The following ABCA12 variants were observed in gnomAD, a reference collection of about 807,000 sequenced individuals.
The protein encoded by ABCA12 is ATP binding cassette subfamily A member 12, also known as glucosylceramide transporter ABCA12.
A neutral mutation model predicts 293.5 loss-of-function variants in ABCA12; 156 were observed. That is an observed-to-expected ratio of 0.53 (90% CI 0.47 to 0.61). The LOEUF is 0.61. Among genes scored for constraint, ABCA12 ranks in the 20% least tolerant of loss-of-function variants. The pLI, the probability that ABCA12 is intolerant of heterozygous loss-of-function variation, is 0.00. For missense variants in ABCA12, 2,797 were observed against 3,090.2 expected (o/e 0.91, Z 2.25); for synonymous variants, 1,063 against 1,108.0 (o/e 0.96, Z 0.81).
At chr2:215,049,568 A>G in intron 6 of ABCA12, 58 bp downstream of exon 6, 2 of 1,537,758 alleles carry the variant, frequency 1.3e-6, no homozygotes, top group East Asian at 4.5e-5. Flanking sequence ...TACACGGGCT[A>G]TAGATTTACC....
In ABCA12 at chr2:215,017,789, C is replaced by T. The variant is rs1700538857; in HGVS notation, c.1782+219G>A. The T allele has an allele frequency of 1.2e-5, 7 of 577,238 alleles. No homozygotes were observed. In the East Asian group the frequency reaches 2.3e-4, roughly 19 times the overall value. 35.8% of individuals were successfully genotyped at this position (577,238 alleles called of 1,614,324 possible). On this transcript the variant is annotated intron_variant, in intron 14 of 52. Coordinates refer to ENST00000272895, the MANE Select transcript of ABCA12 (RefSeq NM_173076.3). ...AGAACAAATGGGGCATGGGAAAGGA[C>T]AAGGAAAAATAAAGAGAAAAGGGAC...
At chr2:215,047,642 C>T (rs1043301231) in intron 6 of ABCA12, among the ~76,000 whole-genome samples, 3 of 152,054 alleles carry the variant, frequency 2.0e-5, no homozygotes, top group Non-Finnish European at 4.4e-5. Flanking sequence ...AAATATACAC[C>T]TTGCTTACAC....
At chr2:215,090,779 A>G (rs1702126367) in intron 2 of ABCA12, among the ~76,000 whole-genome samples, 1 of 151,204 alleles carries the variant, frequency 6.6e-6, no homozygotes, top group Non-Finnish European at 1.5e-5. Flanking sequence ...CCATGTCTCT[A>G]CCCTCTTTTA....
Position 214,968,758 on chromosome 2 carries a change from C to A in ABCA12, c.5740G>T (p.Asp1914Tyr). ...GLPLTKDLRF[D>Y]ITGVPANRTL... ...CTATTGGCAGGGACTCCTGTTATAT[C>A]AAAACGAAGGTCTTTTGTCAAAGGC... is the stretch of plus-strand genomic sequence containing the variant. The change falls in exon 38 of 53, where the codon GAT (aspartate) becomes TAT (tyrosine). Residue 1914 changes from aspartate (D) to tyrosine (Y), a missense_variant. Around this residue, in one of 3 missense-constraint regions of ABCA12, gnomAD observed 2,130 missense variants for 2,427.0 expected, o/e 0.88. Coordinates refer to ENST00000272895, the MANE Select transcript of ABCA12 (RefSeq NM_173076.3). The A allele has an allele frequency of 2.5e-6, 4 of 1,613,300 alleles. No individual in the cohort carries two copies. The highest frequency in any genetic ancestry group is 3.4e-6 in the Non-Finnish European group (4 of 1,179,386).
At chr2:215,043,719 G>A (rs898872781) in intron 7 of ABCA12, among the ~76,000 whole-genome samples, 7 of 151,744 alleles carry the variant, frequency 4.6e-5, no homozygotes, top group African/African-American at 9.7e-5. Flanking sequence ...ATAAACTTAC[G>A]GGGTACAAAG....
chr2:215,122,876 T>C (rs915114387), intron 1 of ABCA12, among the ~76,000 whole-genome samples: 1 of 152,190 alleles, frequency 6.6e-6, no homozygotes, highest in Non-Finnish European at 1.5e-5. Flanking sequence ...ACTAGGCTTC[T>C]AGTGTGCCCG....
intron 8 of ABCA12, among the ~76,000 whole-genome samples, chr2:215,033,912 A>G (rs112084030): frequency 2.3e-3 from 346 of 152,090 alleles, no homozygotes; most frequent in South Asian, 5.6e-3. Flanking sequence ...CTGCACTCCA[A>G]CCTGGGCGAC....
At chr2:214,938,006 G>A (rs1698274170) in intron 50 of ABCA12, among the ~76,000 whole-genome samples, 1 of 152,008 alleles carries the variant, frequency 6.6e-6, no homozygotes, top group South Asian at 2.1e-4. Context: ...TGCAGAATGT[G>A]CAGGTTTGTT....
chr2:215,095,884 C>T (rs571779814), intron 2 of ABCA12, among the ~76,000 whole-genome samples: 53 of 152,178 alleles, frequency 3.5e-4, no homozygotes, highest in African/African-American at 1.0e-3. Context: ...TTTTCCACTA[C>T]CTACCCAAAT....
At chr2:214,968,667 T>C (rs1699319275) in intron 38 of ABCA12, 53 bp downstream of exon 38, 3 of 1,539,314 alleles carry the variant, frequency 1.9e-6, no homozygotes, top group South Asian at 2.2e-5. Context: ...ATTAAACATA[T>C]CAATTTCACC....
chr2:215,137,234 C>A (rs904020929), intron 1 of ABCA12, among the ~76,000 whole-genome samples: 18 of 152,140 alleles, frequency 1.2e-4, no homozygotes, highest in East Asian at 5.8e-4. Context: ...GCAATCCAAG[C>A]AAGCCTGGAG....
At position 215,015,702 on chromosome 2, in the gene ABCA12, A is replaced by G. The variant is rs898160703; in HGVS notation, c.1783-39T>C. On this transcript the variant is annotated intron_variant, in intron 14 of 52. Transcript: ENST00000272895. ...AAGAAAAATATTTCAACTGTGAATCATTCGAGAGTCAACTGTTCATTTTGT... is the reference window on the plus strand; with the variant it reads ...AAGAAAAATATTTCAACTGTGAATCGTTCGAGAGTCAACTGTTCATTTTGT... The G allele has an allele frequency of 1.1e-5, 17 of 1,587,266 alleles. 1 individual carries two copies. The highest frequency in any genetic ancestry group is 2.2e-5 in the South Asian group (2 of 90,374).
chr2:215,116,235 T>C (rs1244131155), intron 1 of ABCA12, among the ~76,000 whole-genome samples: 1 of 152,232 alleles, frequency 6.6e-6, no homozygotes, highest in African/African-American at 2.4e-5. Context: ...GTACCTTCTT[T>C]GTCCAATTCC....
In ABCA12 at chr2:215,019,351, C is replaced by T. The variant is rs1424747319; in HGVS notation, c.1642G>A (p.Ala548Thr). The change falls in exon 13 of 53, where the codon GCT (alanine) becomes ACT (threonine). Residue 548 changes from alanine to threonine, a missense_variant. By Grantham distance (58) the Ala-to-Thr change is moderately conservative. Coordinates refer to ENST00000272895, the MANE Select transcript of ABCA12 (RefSeq NM_173076.3). The part of the protein sequence containing the change: ...AMLHVNNSAD[A>T]SEKPGQLLEM... ...GGGGAAACACCTGGCTTTTCAGAAG[C>T]ATCTGCACTGTTATTGACATGCAGC... 2.5e-6 allele frequency: 4 copies of T among 1,611,560 alleles called. No homozygotes were observed. Among genetic ancestry groups the T allele is most frequent in the Non-Finnish European group, 2.5e-6 (3 of 1,179,218 alleles).
intron 17 of ABCA12, among the ~76,000 whole-genome samples, chr2:215,010,731 G>A (rs1179208729): frequency 6.6e-6 from 1 of 152,142 alleles, no homozygotes; most frequent in East Asian, 1.9e-4. Context: ...AAACGTGAAA[G>A]CCACATTTCA....
rs761761379 is a variant in ABCA12, at chr2:215,011,469, C to T, written c.2302G>A (p.Ala768Thr). 4 of 1,613,812 alleles carry T rather than the reference C, an allele frequency of 2.5e-6. No individual in the cohort carries two copies. The South Asian group carries it at 4.4e-5, about 18-fold the overall frequency. ...LTYKLTKEQI[A>T]SKYGIPINST... Reference sequence around the variant, plus strand: ...TTTATGGGAATTCCATATTTTGAAGCAATTTGCTCTTTAGTTAATTTATAA... The same window carrying T: ...TTTATGGGAATTCCATATTTTGAAGTAATTTGCTCTTTAGTTAATTTATAA... Residue 768 changes from alanine (A) to threonine (T), a missense_variant, in exon 17 of 53, where the codon GCT becomes ACT. Physicochemically the swap from Ala to Thr is moderately conservative, Grantham distance 58. Around this residue, in one of 3 missense-constraint regions of ABCA12, gnomAD observed 2,130 missense variants for 2,427.0 expected, o/e 0.88. Transcript: ENST00000272895.
At chr2:215,000,557 T>G in intron 22 of ABCA12, 148 bp downstream of exon 22, 1 of 829,074 alleles carries the variant, frequency 1.2e-6, no homozygotes, top group Non-Finnish European at 2.0e-6. Flanking sequence ...AGCTATGCCC[T>G]ATAGTGTGAA....
chr2:215,030,603 CA>C (rs56919467), intron 9 of ABCA12, among the ~76,000 whole-genome samples: 122,514 of 127,394 alleles, frequency 0.96, 58,931 homozygotes, highest in South Asian at 0.99. Context: ...GACTCCATCT[CA>C]AAAAAAAAAA....
chr2:214,979,222 C>T (rs1699594297), intron 31 of ABCA12, among the ~76,000 whole-genome samples, 182 bp from the exon 32 acceptor site: 1 of 152,086 alleles, frequency 6.6e-6, no homozygotes, highest in South Asian at 2.1e-4. Context: ...CCCCATTCTC[C>T]CATGTCACGC....
Sources: allele counts gnomAD v4.1 joint callset (sites outside exome capture counted in the v4.1 genomes callset), GRCh38; gene constraint gnomAD v4.1.1; regional missense constraint gnomAD v4.1.1; transcripts MANE v1.5; gene names NCBI Gene and HGNC (gene_info 2026-07-23, HGNC 2026-07-21).